The following UPB1 variants were observed in gnomAD, a reference collection of about 807,000 sequenced individuals.
UPB1 encodes beta-ureidopropionase 1.
Under a neutral mutation model 49.1 loss-of-function variants are expected in UPB1, and 40 were observed. The ratio of observed to expected loss-of-function variants is 0.81; its 90% CI spans 0.63 to 1.06. The LOEUF (loss-of-function observed/expected upper bound fraction) is 1.06, where lower values mean the gene tolerates loss of function less well. Ranked by LOEUF, UPB1 falls within the 50% of genes least tolerant of loss-of-function variation. The pLI, the probability that UPB1 is intolerant of heterozygous loss-of-function variation, is 0.00. For synonymous variants in UPB1, 207 were observed against 198.2 expected (o/e 1.04, Z -0.38); for missense variants, 499 against 505.9 (o/e 0.99, Z 0.13).
At chr22:24,525,681 C>T in intron 9 of UPB1, 30 bp from the exon 10 acceptor site, 1 of 1,613,830 alleles carries the variant, frequency 6.2e-7, no homozygotes. Context: ...AAACCAGAAC[C>T]TCTAAAGTAC....
chr22:24,496,372 A>AACACACACACACACACAC (rs60159909), intron 1 of UPB1, among the ~76,000 whole-genome samples: 111 of 141,616 alleles, frequency 7.8e-4, no homozygotes, highest in African/African-American at 2.9e-3. Flanking sequence ...CCCTGTCTCA[A>AACACACACACACACACAC]ACACACACAC....
chr22:24,526,251 CCACAGT>C lies in UPB1; in HGVS notation c.*461_*466del. On this transcript the variant is annotated 3_prime_UTR_variant, in exon 10 of 10. Coordinates refer to ENST00000326010, the MANE Select transcript of UPB1 (RefSeq NM_016327.3). The stretch of plus-strand genomic sequence containing the variant: ...CTTTGGATGTGTCAGCTTAGCTAGG[CCACAGT>C]CACCAGTAATTCAATCAGACACTAA... 4.0e-6 allele frequency: 1 copy of C among 249,776 alleles called. No individual in the cohort carries two copies. The highest frequency in any genetic ancestry group is 4.5e-5 in the South Asian group (1 of 22,180). 15.5% of individuals were successfully genotyped at this position (249,776 alleles called of 1,614,324 possible). A position where few individuals can be genotyped will look rare whatever the true frequency, so the allele number is the denominator to read the frequency against.
chr22:24,499,988 T>C, intron 1 of UPB1, 119 bp from the exon 2 acceptor site: 1 of 1,526,388 alleles, frequency 6.6e-7, no homozygotes, highest in Non-Finnish European at 9.0e-7. Flanking sequence ...ACTGAGCGCC[T>C]TCTAGCCAGG....
intron 1 of UPB1, among the ~76,000 whole-genome samples, chr22:24,498,006 T>C (rs1300068486): frequency 6.6e-6 from 1 of 152,204 alleles, no homozygotes; most frequent in Non-Finnish European, 1.5e-5. Flanking sequence ...CTGCGGTCTC[T>C]TTCCCCATCT....
chr22:24,502,443 T>A (rs1243079677), intron 3 of UPB1: 6 of 782,086 alleles, frequency 7.7e-6, no homozygotes, highest in Non-Finnish European at 1.2e-5. Flanking sequence ...TTCGCTCCTC[T>A]CCATCTCTCT....
chr22:24,507,962 AACCAACC>A (rs2044120612), intron 3 of UPB1, among the ~76,000 whole-genome samples: 1 of 151,980 alleles, frequency 6.6e-6, no homozygotes, highest in Non-Finnish European at 1.5e-5. Context: ...CCCCCAATAT[AACCAACC>A]ACTTTTCCGC....
In UPB1 at chr22:24,525,912, A is replaced by G; in HGVS notation, c.*118A>G. The G allele has an allele frequency of 7.4e-7, 1 of 1,347,118 alleles. No homozygotes were observed. The highest frequency in any genetic ancestry group is 2.4e-4 in the Middle Eastern group (1 of 4,194). The allele number at this position is 1,347,118 out of a possible 1,614,324, so 83.4% of individuals were successfully genotyped here. A position where few individuals can be genotyped will look rare whatever the true frequency, so the allele number is the denominator to read the frequency against. Reference sequence around the variant, plus strand: ...ATAACATTGTCCAGGTTGGTTTTAAAATTCCCAGGCAGGGGGAGAGTGGCA... The same window carrying G: ...ATAACATTGTCCAGGTTGGTTTTAAGATTCCCAGGCAGGGGGAGAGTGGCA... On this transcript the variant is annotated 3_prime_UTR_variant, in exon 10 of 10. Transcript: ENST00000326010.
chr22:24,525,613 C>T (rs2147046576), intron 9 of UPB1, 98 bp from the exon 10 acceptor site: 2 of 1,429,170 alleles, frequency 1.4e-6, no homozygotes, highest in Middle Eastern at 1.8e-4. Context: ...TGCGTTCCTG[C>T]CCCATGACTG....
At chr22:24,522,816 T>C (rs2044418950) in intron 8 of UPB1, among the ~76,000 whole-genome samples, 1 of 149,392 alleles carries the variant, frequency 6.7e-6, no homozygotes, top group Admixed American at 6.7e-5. Flanking sequence ...TGGTGGCCCA[T>C]ACCTATAATC....
chr22:24,505,683 C>T lies in UPB1; in HGVS notation c.364+3470C>T, dbSNP rs183712999. On this transcript the variant is annotated intron_variant, in intron 3 of 9. Coordinates refer to ENST00000326010, the MANE Select transcript of UPB1 (RefSeq NM_016327.3). ...CAGCCTCTTGGTGTGGAGAAAGGAC[C>T]TGGATTTCTAACTGCTTCTTTTTTT... is the stretch of plus-strand genomic sequence containing the variant. 6.1e-3 allele frequency among the ~76,000 whole-genome samples: 925 copies of T among 152,196 alleles called. 8 individuals carry two copies. The highest frequency in any genetic ancestry group is 9.2e-3 in the Non-Finnish European group (623 of 67,998).
intron 5 of UPB1, among the ~76,000 whole-genome samples, chr22:24,513,959 G>T (rs1439129118): frequency 2.6e-5 from 4 of 152,124 alleles, no homozygotes; most frequent in Non-Finnish European, 5.9e-5. Flanking sequence ...TCAGGTGGCA[G>T]TAGGCAAACA....
intron 5 of UPB1, 95 bp downstream of exon 5, chr22:24,513,580 A>C: frequency 6.6e-7 from 1 of 1,506,770 alleles, no homozygotes; most frequent in Non-Finnish European, 9.0e-7. Flanking sequence ...AGTTCTGTGC[A>C]GGATCATACT....
At chr22:24,498,979 C>A (rs1212874062) in intron 1 of UPB1, among the ~76,000 whole-genome samples, 1 of 152,116 alleles carries the variant, frequency 6.6e-6, no homozygotes, top group Non-Finnish European at 1.5e-5. Flanking sequence ...AGCGCCCTTC[C>A]GCTGGAGGGT....
Position 24,525,712 on chromosome 22 carries a change from T to C in UPB1, c.1073T>C (p.Met358Thr), listed in dbSNP as rs377159152. The change falls in exon 10 of 10, where the codon ATG becomes ACG. Residue 358 changes from methionine to threonine, a missense_variant and splice_region_variant. Coordinates refer to ENST00000326010, the MANE Select transcript of UPB1 (RefSeq NM_016327.3). ...AGTACATCTGTGTTTTGCTTTCAGA[T>C]GACGGGCAGGTATGAGATGTACGCA... The part of the protein sequence containing the change: ...QQVNDVWNFK[M>T]TGRYEMYARE... 1.9e-6 allele frequency: 3 copies of C among 1,614,108 alleles called. No homozygotes were observed. The highest frequency in any genetic ancestry group is 1.3e-5 in the African/African-American group (1 of 74,938).
At position 24,525,693 on chromosome 22, in the gene UPB1, T is replaced by A; in HGVS notation, c.1072-18T>A. The A allele has an allele frequency of 6.2e-7, 1 of 1,613,932 alleles. No individual in the cohort carries two copies. Among genetic ancestry groups the A allele is most frequent in the Non-Finnish European group, 8.5e-7 (1 of 1,179,950 alleles). On this transcript the variant is annotated intron_variant, in intron 9 of 9. Coordinates refer to ENST00000326010, the MANE Select transcript of UPB1 (RefSeq NM_016327.3). The stretch of plus-strand genomic sequence containing the variant: ...ATAAAACCAGAACCTCTAAAGTACA[T>A]CTGTGTTTTGCTTTCAGATGACGGG...
chr22:24,496,711 A>AAG (rs2043895590), intron 1 of UPB1, among the ~76,000 whole-genome samples: 1 of 152,130 alleles, frequency 6.6e-6, no homozygotes, highest in South Asian at 2.1e-4. Flanking sequence ...GCAGGTACAA[A>AAG]AGAGGGCGCT....
At chr22:24,499,955 C>A in intron 1 of UPB1, 152 bp from the exon 2 acceptor site, 2 of 1,149,760 alleles carry the variant, frequency 1.7e-6, no homozygotes, top group Non-Finnish European at 2.5e-6. Context: ...CCCCACTGCT[C>A]GCCAGCTCCC....
At chr22:24,522,509 C>T (rs2044412349) in intron 8 of UPB1, among the ~76,000 whole-genome samples, 1 of 152,110 alleles carries the variant, frequency 6.6e-6, no homozygotes, top group African/African-American at 2.4e-5. Flanking sequence ...GCTAAGAACC[C>T]TAAAGACTCC....
intron 3 of UPB1, among the ~76,000 whole-genome samples, chr22:24,509,132 C>T (rs148044577): frequency 4.4e-4 from 67 of 152,248 alleles, no homozygotes; most frequent in African/African-American, 1.5e-3. Flanking sequence ...CACAGTGAGG[C>T]ACCGTTCACA....
Sources: allele counts gnomAD v4.1 joint callset (sites outside exome capture counted in the v4.1 genomes callset), GRCh38; gene constraint gnomAD v4.1.1; transcripts MANE v1.5; gene names NCBI Gene and HGNC (gene_info 2026-07-23, HGNC 2026-07-21).